SCN11A: variants seen among roughly 807,000 people sequenced by gnomAD.
SCN11A encodes sodium voltage-gated channel alpha subunit 11, also known as sodium channel protein type 11 subunit alpha.
Under a neutral mutation model 162.2 loss-of-function variants are expected in SCN11A, and 122 were observed. That is an observed-to-expected ratio of 0.75 (90% CI 0.65 to 0.87). The LOEUF is 0.87. Ranked by LOEUF, SCN11A falls within the 40% of genes least tolerant of loss-of-function variation. SCN11A has a pLI of 0.00. For missense variants in SCN11A, 2,015 were observed against 2,181.6 expected (o/e 0.92, Z 1.52); for synonymous variants, 758 against 751.5 (o/e 1.01, Z -0.14).
intron 2 of SCN11A, among the ~76,000 whole-genome samples, chr3:38,963,660 G>A (rs188420679): frequency 6.6e-6 from 1 of 151,970 alleles, no homozygotes; most frequent in Non-Finnish European, 1.5e-5. Context: ...TCACCGATAT[G>A]TGGGAGTAAG....
At chr3:38,938,303 C>A (rs1575315948) in intron 7 of SCN11A, among the ~76,000 whole-genome samples, 2 of 151,312 alleles carry the variant, frequency 1.3e-5, no homozygotes, top group East Asian at 3.9e-4. Context: ...ATGGGTGCAG[C>A]ACACCAGCAT....
chr3:38,928,727 C>T (rs1230105884), intron 7 of SCN11A, among the ~76,000 whole-genome samples: 1 of 152,030 alleles, frequency 6.6e-6, no homozygotes, highest in Non-Finnish European at 1.5e-5. Flanking sequence ...ACCAAAACCA[C>T]AAAGAGATGA....
chr3:39,023,735 C>T (rs77142175), intron 2 of SCN11A, among the ~76,000 whole-genome samples: 5,291 of 151,824 alleles, frequency 0.035, 186 homozygotes, highest in East Asian at 0.16. Flanking sequence ...CTCTGCCTCC[C>T]GGGTTCAAGC....
Position 38,947,050 on chromosome 3 carries a change from G to A in SCN11A, c.268-143C>T, listed in dbSNP as rs73828727. 3,311 of 598,876 alleles carry A rather than the reference G, an allele frequency of 5.5e-3. 85 individuals carry two copies. In the African/African-American group the frequency reaches 0.056, roughly 10 times the overall value. 37.1% of individuals were successfully genotyped at this position (598,876 alleles called of 1,614,324 possible). ...GGGCTGTGGAATATTTACCCAATGG[G>A]ATACTCCAGAAGAATCAGAGATGGA... On this transcript the variant is annotated intron_variant, in intron 5 of 29. Transcript: ENST00000302328.
intron 28 of SCN11A, among the ~76,000 whole-genome samples, chr3:38,859,346 G>A (rs1259063054): frequency 6.6e-6 from 1 of 152,040 alleles, no homozygotes; most frequent in Non-Finnish European, 1.5e-5. Flanking sequence ...TAGTACAACT[G>A]ATACCACAGA....
At chr3:38,887,869 C>T (rs951580015) in intron 19 of SCN11A, among the ~76,000 whole-genome samples, 1 of 152,180 alleles carries the variant, frequency 6.6e-6, no homozygotes, top group African/African-American at 2.4e-5. Flanking sequence ...GGTCATGATT[C>T]AGAAACATTT....
At chr3:38,895,023 G>A in intron 18 of SCN11A, 59 bp from the exon 19 acceptor site, 1 of 1,470,092 alleles carries the variant, frequency 6.8e-7, no homozygotes, top group Non-Finnish European at 9.1e-7. Flanking sequence ...AAGATATAGT[G>A]GGTTTCCAGG....
intron 2 of SCN11A, among the ~76,000 whole-genome samples, chr3:39,002,578 G>A (rs2030848022): frequency 6.6e-6 from 1 of 152,196 alleles, no homozygotes; most frequent in African/African-American, 2.4e-5. Flanking sequence ...GACATCAAGG[G>A]TATGTAAGAT....
intron 4 of SCN11A, chr3:38,950,591 G>A: frequency 1.9e-6 from 1 of 535,394 alleles, no homozygotes; most frequent in Non-Finnish European, 3.3e-6. Flanking sequence ...CCAAAGCAGG[G>A]CATCATTCCT....
chr3:38,948,705 T>A (rs546178266), intron 5 of SCN11A, among the ~76,000 whole-genome samples: 46 of 152,210 alleles, frequency 3.0e-4, no homozygotes, highest in Non-Finnish European at 6.3e-4. Flanking sequence ...CGTGTCTTCT[T>A]ATTTAAAGTG....
chr3:38,927,284 A>G (rs1258952828), intron 7 of SCN11A, among the ~76,000 whole-genome samples: 2 of 152,222 alleles, frequency 1.3e-5, no homozygotes, highest in Non-Finnish European at 2.9e-5. Context: ...GACAATGGTG[A>G]CAGAACAATG....
rs1575293651 is a variant in SCN11A, at chr3:38,921,128, G to T, written c.840C>A (p.Asn280Lys). The change falls in exon 10 of 30, where the codon AAC becomes AAA. Residue 280 changes from asparagine to lysine, a missense_variant. Physicochemically the swap from Asn to Lys is moderately conservative, Grantham distance 94 (BLOSUM62 0). Coordinates refer to ENST00000302328, the MANE Select transcript of SCN11A (RefSeq NM_001349253.2). ...VGQQLFMGSL[N>K]LKCISRDCKN... ...TACAGTCCCTCGAGATGCATTTCAG[G>T]TTCAGACTTCCCATGAAGAGCTGCT... 1.2e-6 allele frequency: 2 copies of T among 1,614,064 alleles called. No homozygotes were observed. Among genetic ancestry groups the T allele is most frequent in the East Asian group, 4.5e-5 (2 of 44,892 alleles).
intron 2 of SCN11A, among the ~76,000 whole-genome samples, chr3:38,992,379 C>T (rs955129498): frequency 3.3e-5 from 5 of 152,160 alleles, no homozygotes; most frequent in African/African-American, 1.2e-4. Context: ...TGCTTTTATG[C>T]CTCGGAATAT....
At chr3:38,885,979 T>C (rs962576946) in intron 20 of SCN11A, 146 bp downstream of exon 20, 15 of 564,112 alleles carry the variant, frequency 2.7e-5, no homozygotes, top group African/African-American at 2.1e-4. Context: ...ACTAGTAAAG[T>C]TGAGAAACCT....
chr3:38,920,656 G>A (rs1347443414), intron 10 of SCN11A, among the ~76,000 whole-genome samples: 12 of 149,450 alleles, frequency 8.0e-5, no homozygotes, highest in African/African-American at 1.7e-4. Context: ...ACTGCACTCC[G>A]GCCTGGTGAC....
chr3:38,945,099 T>C (rs558061775), intron 7 of SCN11A, among the ~76,000 whole-genome samples: 1 of 152,326 alleles, frequency 6.6e-6, no homozygotes, highest in African/African-American at 2.4e-5. Flanking sequence ...TTTATGACAA[T>C]GTTACAATCT....
intron 2 of SCN11A, among the ~76,000 whole-genome samples, chr3:38,983,928 TA>T (rs1468948055): frequency 6.6e-6 from 1 of 152,258 alleles, no homozygotes; most frequent in African/African-American, 2.4e-5. Context: ...GTTCAATTTC[TA>T]AATGGGCCTC....
chr3:38,850,896 A>C (rs1422709080), intron 28 of SCN11A, 145 bp from the exon 29 acceptor site: 7 of 603,398 alleles, frequency 1.2e-5, no homozygotes, highest in Non-Finnish European at 1.6e-5. Flanking sequence ...TCAAAGGGCA[A>C]GAAATTCTTA....
intron 11 of SCN11A, among the ~76,000 whole-genome samples, chr3:38,915,128 T>TGCCACAG (rs2065941695): frequency 6.6e-6 from 1 of 152,120 alleles, no homozygotes; most frequent in Non-Finnish European, 1.5e-5. Context: ...GGTAGGCTAT[T>TGCCACAG]TATTATAGAT....
Sources: gnomAD v4.1 joint callset for allele counts (sites outside exome capture counted in the v4.1 genomes callset) on GRCh38, gnomAD v4.1.1 for gene constraint, MANE v1.5 for transcripts, NCBI Gene and HGNC (gene_info 2026-07-23, HGNC 2026-07-21) for gene names.